The following PPP5C variants were observed in gnomAD, a reference collection of about 807,000 sequenced individuals.
The protein encoded by PPP5C is protein phosphatase 5 catalytic subunit.
A neutral mutation model predicts 66.7 loss-of-function variants in PPP5C; 21 were observed. The ratio of observed to expected loss-of-function variants is 0.31; its 90% CI spans 0.22 to 0.45. The LOEUF (loss-of-function observed/expected upper bound fraction) is 0.45, where lower values mean the gene tolerates loss of function less well. PPP5C is among the 20% of genes least tolerant of loss of function. PPP5C has a pLI of 1.00. For missense variants in PPP5C, 464 were observed against 675.9 expected (o/e 0.69, Z 3.48); for synonymous variants, 246 against 257.4 (o/e 0.96, Z 0.43).
At chr19:46,378,624 A>C (rs898952200) in intron 4 of PPP5C, among the ~76,000 whole-genome samples, 1 of 152,098 alleles carries the variant, frequency 6.6e-6, no homozygotes, top group African/African-American at 2.4e-5. Flanking sequence ...CTGTATTTTG[A>C]AATTTTTATT....
At chr19:46,352,571 A>G (rs1972206706) in intron 1 of PPP5C, among the ~76,000 whole-genome samples, 1 of 152,020 alleles carries the variant, frequency 6.6e-6, no homozygotes, top group South Asian at 2.1e-4. Flanking sequence ...CTGTAATCCC[A>G]GCACTTTGGG....
At position 46,383,037 on chromosome 19, in the gene PPP5C, C is replaced by A; in HGVS notation, c.634-374C>A. On this transcript the variant is annotated intron_variant, in intron 4 of 12. Coordinates refer to ENST00000012443, the MANE Select transcript of PPP5C (RefSeq NM_006247.4). The surrounding 1 kb of genome is among the most constrained non-coding windows in gnomAD (Gnocchi z 5.0). The stretch of plus-strand genomic sequence containing the variant: ...TTACCTCTTTTTACCTAGAAAGTCT[C>A]ACTTCTTTTTTGGGAGACTCTTTTA... The A allele has an allele frequency of 1.9e-6, 2 of 1,077,778 alleles. No individual in the cohort carries two copies. Among genetic ancestry groups the A allele is most frequent in the East Asian group, 6.1e-5 (1 of 16,376 alleles). 66.8% of individuals were successfully genotyped at this position (1,077,778 alleles called of 1,614,324 possible).
chr19:46,364,040 T>TA (rs1247910658), intron 2 of PPP5C, among the ~76,000 whole-genome samples: 1 of 152,052 alleles, frequency 6.6e-6, no homozygotes, highest in Non-Finnish European at 1.5e-5. Flanking sequence ...GAACAGGACT[T>TA]AGAGGAGCCA....
At chr19:46,382,147 G>A (rs1972802733) in intron 4 of PPP5C, 1 of 152,266 alleles carries the variant, frequency 6.6e-6, no homozygotes, top group Admixed American at 6.5e-5. Flanking sequence ...GAGTTGGCAG[G>A]GGGCAGAGGC....
At chr19:46,352,578 T>C (rs1246539502) in intron 1 of PPP5C, among the ~76,000 whole-genome samples, 2 of 152,072 alleles carry the variant, frequency 1.3e-5, no homozygotes, top group Admixed American at 1.3e-4. Context: ...CCCAGCACTT[T>C]GGGAGGCCAA....
chr19:46,357,962 G>A (rs1354829274), intron 2 of PPP5C, among the ~76,000 whole-genome samples: 2 of 152,102 alleles, frequency 1.3e-5, no homozygotes, highest in Admixed American at 6.6e-5. Flanking sequence ...CTCCCCTCCC[G>A]GAGGTTGGAG....
chr19:46,387,051 A>G, intron 7 of PPP5C, 42 bp from the exon 8 acceptor site: 1 of 1,613,886 alleles, frequency 6.2e-7, no homozygotes. Flanking sequence ...ACACTGATGT[A>G]CCTGGAGGCT....
intron 1 of PPP5C, among the ~76,000 whole-genome samples, chr19:46,349,521 C>T (rs1972145584): frequency 6.6e-6 from 1 of 151,842 alleles, no homozygotes; most frequent in African/African-American, 2.4e-5. Flanking sequence ...CGGTGGGAGC[C>T]GTGAGAGGGA....
At chr19:46,350,915 C>G (rs747587241) in intron 1 of PPP5C, among the ~76,000 whole-genome samples, 1 of 152,164 alleles carries the variant, frequency 6.6e-6, no homozygotes, top group Non-Finnish European at 1.5e-5. Context: ...TCCCAGGGCT[C>G]AGAGGACTGT....
chr19:46,376,962 C>G lies in PPP5C; in HGVS notation c.633+388C>G, dbSNP rs1055070171. Among the ~76,000 whole-genome samples the G allele has an allele frequency of 1.3e-5, 2 of 152,150 alleles. No homozygotes were observed. Among genetic ancestry groups the G allele is most frequent in the South Asian group, 2.1e-4 (1 of 4,824 alleles). On this transcript the variant is annotated intron_variant, in intron 4 of 12. Coordinates refer to ENST00000012443, the MANE Select transcript of PPP5C (RefSeq NM_006247.4). This position sits in a 1 kb window ranked among gnomAD's most constrained non-coding sequence, Gnocchi z 5.1. ...TTGCTCCTAGTCCTGAGACCACCCC[C>G]TCCCCGACCTAGGAGGGCAGCTGGC...
chr19:46,351,468 G>A (rs1233544795), intron 1 of PPP5C, among the ~76,000 whole-genome samples: 3 of 152,138 alleles, frequency 2.0e-5, no homozygotes, highest in Non-Finnish European at 4.4e-5. Context: ...ACACAAGTTC[G>A]TAAAATCCTC....
At chr19:46,375,459 A>T in intron 2 of PPP5C, 145 bp from the exon 3 acceptor site, 3 of 1,265,236 alleles carry the variant, frequency 2.4e-6, no homozygotes, top group Non-Finnish European at 3.2e-6. Flanking sequence ...CTCGGCAGTT[A>T]AATACGTCTA....
intron 2 of PPP5C, among the ~76,000 whole-genome samples, chr19:46,365,172 G>A (rs774239402): frequency 3.3e-5 from 5 of 152,012 alleles, no homozygotes; most frequent in South Asian, 2.1e-4. Flanking sequence ...TAGTGGAAAC[G>A]GGGTTTCATG....
In PPP5C at chr19:46,376,676, T is replaced by C; in HGVS notation, c.633+102T>C. The C allele has an allele frequency of 2.0e-6, 3 of 1,495,396 alleles. No homozygotes were observed. The East Asian group carries it at 6.9e-5, about 34-fold the overall frequency. The allele number at this position is 1,495,396 out of a possible 1,614,324, so 92.6% of individuals were successfully genotyped here. Reference sequence around the variant, plus strand: ...CAAAACGACAGGAGAAGGGCGGCCATGACAGCCAACACCAAACAGGAGTCG... The same window carrying C: ...CAAAACGACAGGAGAAGGGCGGCCACGACAGCCAACACCAAACAGGAGTCG... On this transcript the variant is annotated intron_variant, in intron 4 of 12. Transcript: ENST00000012443. This position sits in a 1 kb window ranked among gnomAD's most constrained non-coding sequence, Gnocchi z 5.1.
In PPP5C at chr19:46,376,468, A is replaced by T. The variant is rs767394593; in HGVS notation, c.527A>T (p.Tyr176Phe). The stretch of plus-strand genomic sequence containing the variant: ...CACACCCTAGCCATTGAGGATGAGT[A>T]CAGCGGACCCAAGCTTGAAGACGGC... ...DIESMTIEDE[Y>F]SGPKLEDGKV... Residue 176 changes from tyrosine (Y) to phenylalanine (F), a missense_variant, in exon 4 of 13, where the codon TAC becomes TTC. Tyr to Phe is a conservative substitution (Grantham distance 22, BLOSUM62 3). Around this residue, in one of 2 missense-constraint regions of PPP5C, gnomAD observed 387 missense variants for 626.0 expected, o/e 0.62. Transcript: ENST00000012443. This position sits in a 1 kb window ranked among gnomAD's most constrained non-coding sequence, Gnocchi z 5.1. The T allele has an allele frequency of 6.2e-7, 1 of 1,613,596 alleles. No homozygotes were observed. The highest frequency in any genetic ancestry group is 8.5e-7 in the Non-Finnish European group (1 of 1,179,802).
At position 46,347,948 on chromosome 19, in the gene PPP5C, A is replaced by C. The variant is rs188694008; in HGVS notation, c.121+731A>C. ...GCAGGTGAACCAGACATGAAAAAAA[A>C]AAAAACAAAAAAAAACCATGTAAAT... On this transcript the variant is annotated intron_variant, in intron 1 of 12. Transcript: ENST00000012443. Among the ~76,000 whole-genome samples, 456 of 151,638 alleles carry C rather than the reference A, an allele frequency of 3.0e-3. 1 individual carries two copies. The highest frequency in any genetic ancestry group is 0.011 in the African/African-American group (433 of 41,202).
intron 2 of PPP5C, among the ~76,000 whole-genome samples, chr19:46,357,081 C>T (rs1972299881): frequency 6.6e-6 from 1 of 152,200 alleles, no homozygotes; most frequent in Non-Finnish European, 1.5e-5. Flanking sequence ...GAGTCTTGCT[C>T]TGTCACCCAG....
At chr19:46,349,615 A>G (rs534946192) in intron 1 of PPP5C, among the ~76,000 whole-genome samples, 89 of 152,192 alleles carry the variant, frequency 5.8e-4, no homozygotes, top group African/African-American at 2.0e-3. Context: ...GGGGTGGTCG[A>G]TGCCATGGGA....
At position 46,388,859 on chromosome 19, in the gene PPP5C, A is replaced by G; in HGVS notation, c.1355+128A>G. 1 of 1,167,792 alleles carries G rather than the reference A, an allele frequency of 8.6e-7. No homozygotes were observed. Among genetic ancestry groups the G allele is most frequent in the Non-Finnish European group, 1.2e-6 (1 of 836,560 alleles). The allele number at this position is 1,167,792 out of a possible 1,614,324, so 72.3% of individuals were successfully genotyped here. A position where few individuals can be genotyped will look rare whatever the true frequency, so the allele number is the denominator to read the frequency against. Reference sequence around the variant, plus strand: ...GAGCAGATAAAAGAACATGACGAACACCCCCGTATGTGTCACCCACCCATG... The same window carrying G: ...GAGCAGATAAAAGAACATGACGAACGCCCCCGTATGTGTCACCCACCCATG... On this transcript the variant is annotated intron_variant, in intron 11 of 12. Coordinates refer to ENST00000012443, the MANE Select transcript of PPP5C (RefSeq NM_006247.4). The surrounding 1 kb of genome is among the most constrained non-coding windows in gnomAD (Gnocchi z 4.9).
Sources: gnomAD v4.1 joint callset for allele counts (sites outside exome capture counted in the v4.1 genomes callset) on GRCh38, gnomAD v4.1.1 for gene constraint, gnomAD v4.1.1 regional missense constraint, Gnocchi (gnomAD v3.1) non-coding constraint, MANE v1.5 for transcripts, NCBI Gene and HGNC (gene_info 2026-07-23, HGNC 2026-07-21) for gene names.